The following GPC6 variants were observed in gnomAD, a reference collection of about 807,000 sequenced individuals.
GPC6 encodes glypican 6.
In GPC6, 14 loss-of-function variants were observed where a neutral mutation model predicts 55.2. That is an observed-to-expected ratio of 0.25 (90% confidence interval 0.17 to 0.40). The LOEUF is 0.40. Among genes scored for constraint, GPC6 ranks in the 10% least tolerant of loss-of-function variants. The pLI, the probability that GPC6 is intolerant of heterozygous loss-of-function variation, is 1.00. For synonymous variants in GPC6, 278 were observed against 259.6 expected (o/e 1.07, Z -0.68); for missense variants, 641 against 708.5 (o/e 0.90, Z 1.08).
chr13:93,229,329 C>T (rs978225583), intron 1 of GPC6, among the ~76,000 whole-genome samples: 1 of 151,572 alleles, frequency 6.6e-6, no homozygotes, highest in Non-Finnish European at 1.5e-5. Flanking sequence ...AACTTTTTCT[C>T]CTTTAATCTG....
chr13:94,291,257 A>G (rs1044850513), intron 5 of GPC6, among the ~76,000 whole-genome samples: 1 of 152,206 alleles, frequency 6.6e-6, no homozygotes, highest in African/African-American at 2.4e-5. Context: ...GTCCACTCAC[A>G]TGAGAGGACA....
chr13:94,234,943 C>T (rs1395509030), intron 4 of GPC6, among the ~76,000 whole-genome samples: 2 of 151,914 alleles, frequency 1.3e-5, no homozygotes, highest in African/African-American at 4.8e-5. Context: ...ATGGTAGTTG[C>T]CAGGAGGTTG....
intron 1 of GPC6, among the ~76,000 whole-genome samples, chr13:93,285,499 T>C (rs1878081227): frequency 6.6e-6 from 1 of 152,106 alleles, no homozygotes; most frequent in Non-Finnish European, 1.5e-5. Context: ...CATGGTTTTG[T>C]TTATATACAG....
intron 3 of GPC6, among the ~76,000 whole-genome samples, chr13:93,894,941 T>G (rs538872326): frequency 6.6e-6 from 1 of 151,914 alleles, no homozygotes; most frequent in Admixed American, 6.6e-5. Context: ...TTCTCAACCA[T>G]TTTTTAGTAA....
rs553977028 is a variant in GPC6 at position 93,750,391 on chromosome 13, AT to A, written c.320-79762del. On this transcript the variant is annotated intron_variant, in intron 2 of 8. Coordinates refer to ENST00000377047, the MANE Select transcript of GPC6 (RefSeq NM_005708.5). ...TGAATATTGGATCTGCTATTAAAAA[AT>A]AATGGGGAATGGCATATAACTATTC... is the stretch of plus-strand genomic sequence containing the variant. Among the ~76,000 whole-genome samples, 18 of 152,294 alleles carry A rather than the reference AT, an allele frequency of 1.2e-4. No individual in the cohort carries two copies. In the South Asian group the frequency reaches 1.9e-3, roughly 16 times the overall value.
intron 2 of GPC6, among the ~76,000 whole-genome samples, chr13:93,730,781 T>G (rs770135544): frequency 6.6e-6 from 1 of 152,190 alleles, no homozygotes; most frequent in East Asian, 1.9e-4. Flanking sequence ...AACCATTTCT[T>G]GTTTTGGCAG....
chr13:93,774,829 G>T (rs1885415437), intron 2 of GPC6, among the ~76,000 whole-genome samples: 1 of 152,084 alleles, frequency 6.6e-6, no homozygotes, highest in African/African-American at 2.4e-5. Context: ...GGTTTAAAAA[G>T]CTAGTAATCT....
chr13:93,837,102 AACC>A (rs2138991830), intron 3 of GPC6, among the ~76,000 whole-genome samples: 1 of 152,338 alleles, frequency 6.6e-6, no homozygotes, highest in South Asian at 2.1e-4. Flanking sequence ...AGAGAGTATA[AACC>A]AAGGAAAATG....
At chr13:93,768,475 A>G (rs774632844) in intron 2 of GPC6, among the ~76,000 whole-genome samples, 12 of 152,222 alleles carry the variant, frequency 7.9e-5, no homozygotes, top group Non-Finnish European at 1.5e-4. Flanking sequence ...ACTGTATTCC[A>G]GGTCCTAAAA....
At chr13:94,044,415 A>G (rs892089026) in intron 4 of GPC6, among the ~76,000 whole-genome samples, 1 of 151,802 alleles carries the variant, frequency 6.6e-6, no homozygotes, top group Non-Finnish European at 1.5e-5. Flanking sequence ...CAAAAGTTCA[A>G]AAAAATTGCA....
chr13:94,232,493 TTTTA>T, intron 4 of GPC6, among the ~76,000 whole-genome samples: 1 of 152,272 alleles, frequency 6.6e-6, no homozygotes, highest in Non-Finnish European at 1.5e-5. Context: ...AAATCTAAAT[TTTTA>T]CCAAAGCAAT....
At chr13:93,918,599 T>C (rs1161084950) in intron 3 of GPC6, among the ~76,000 whole-genome samples, 2 of 152,310 alleles carry the variant, frequency 1.3e-5, no homozygotes, top group Non-Finnish European at 2.9e-5. Flanking sequence ...AAGTTACTCA[T>C]CTCATACACA....
chr13:93,829,765 T>G (rs942051501), intron 2 of GPC6, among the ~76,000 whole-genome samples: 2 of 152,194 alleles, frequency 1.3e-5, no homozygotes, highest in Non-Finnish European at 2.9e-5. Flanking sequence ...ATAAATAAAC[T>G]GAAGCAAATG....
At chr13:93,774,632 TATGA>T (rs1885407010) in intron 2 of GPC6, among the ~76,000 whole-genome samples, 1 of 152,176 alleles carries the variant, frequency 6.6e-6, no homozygotes, top group Non-Finnish European at 1.5e-5. Context: ...CATCTTGATG[TATGA>T]ATTAAATAAG....
At chr13:93,528,648 ATC>A (rs1881744654) in intron 1 of GPC6, among the ~76,000 whole-genome samples, 4 of 152,232 alleles carry the variant, frequency 2.6e-5, no homozygotes, top group African/African-American at 9.6e-5. Context: ...AGTTTTTGGC[ATC>A]TTCTAAGGTA....
chr13:94,290,152 G>T (rs1247631747), intron 5 of GPC6, among the ~76,000 whole-genome samples: 1 of 152,062 alleles, frequency 6.6e-6, no homozygotes, highest in Admixed American at 6.6e-5. Flanking sequence ...GCAAGGTGTG[G>T]TGGCTCTCAC....
At chr13:93,318,821 G>GTATGTTATAGCTTTGCTA (rs1170748657) in intron 1 of GPC6, among the ~76,000 whole-genome samples, 1 of 152,090 alleles carries the variant, frequency 6.6e-6, no homozygotes, top group Non-Finnish European at 1.5e-5. Context: ...TCTAAGTAGG[G>GTATGTTATAGCTTTGCTA]TATGTTATAG....
intron 4 of GPC6, among the ~76,000 whole-genome samples, chr13:94,090,645 TTATTTTA>T (rs888900218): frequency 3.4e-5 from 5 of 148,454 alleles, no homozygotes; most frequent in African/African-American, 1.2e-4. Flanking sequence ...TGATCTAATT[TTATTTTA>T]TAATAACTGT....
At chr13:93,950,786 T>C (rs981341) in intron 3 of GPC6, among the ~76,000 whole-genome samples, 124,789 of 152,056 alleles carry the variant, frequency 0.82, 51,311 homozygotes, top group Middle Eastern at 0.86. Flanking sequence ...ATTCTGAGGC[T>C]GGGAAATTTC....
Sources: allele counts gnomAD v4.1 joint callset (sites outside exome capture counted in the v4.1 genomes callset), GRCh38; gene constraint gnomAD v4.1.1; transcripts MANE v1.5; gene names NCBI Gene and HGNC (gene_info 2026-07-23, HGNC 2026-07-21).